Variants in ST8SIA5 observed in about 807,000 individuals in gnomAD.
ST8SIA5 encodes the protein alpha-2,8-sialyltransferase 8E.
ST8SIA5 carries 24 observed loss-of-function variants against 40.2 expected under a neutral mutation model. That is an observed-to-expected ratio of 0.60 (90% CI 0.43 to 0.84). The LOEUF (loss-of-function observed/expected upper bound fraction) is 0.84. Ranked by LOEUF, ST8SIA5 falls within the 40% of genes least tolerant of loss-of-function variation. The pLI is 0.00. For missense variants in ST8SIA5, 465 were observed against 498.5 expected (o/e 0.93, Z 0.64); for synonymous variants, 198 against 201.8 (o/e 0.98, Z 0.16).
rs1245360085 is a variant in ST8SIA5 at position 46,671,843 on chromosome 18, C to G, written c.*8199G>C. The G allele has an allele frequency of 6.6e-6, 1 of 152,302 alleles. No individual in the cohort carries two copies. The highest frequency in any genetic ancestry group is 2.4e-5 in the African/African-American group (1 of 41,444). 9.4% of individuals were successfully genotyped at this position (152,302 alleles called of 1,614,324 possible). ...CTGAGGGAAGGAAGGGTCCACCAAC[C>G]CCCAACCAGGAAAAAGAACAGGGCA... On this transcript the variant is annotated 3_prime_UTR_variant, in exon 7 of 7. Transcript: ENST00000315087.
chr18:46,681,371 A>T (rs934206528), intron 6 of ST8SIA5, among the ~76,000 whole-genome samples: 1 of 152,040 alleles, frequency 6.6e-6, no homozygotes, highest in African/African-American at 2.4e-5. Flanking sequence ...TGGGCATCTG[A>T]TCCAATTCAA....
At chr18:46,743,265 C>T (rs999519045) in intron 1 of ST8SIA5, among the ~76,000 whole-genome samples, 4 of 152,052 alleles carry the variant, frequency 2.6e-5, no homozygotes, top group South Asian at 2.1e-4. Context: ...CAAACTTCTC[C>T]GAGCTAAAGG....
In ST8SIA5 at chr18:46,756,872, G is replaced by A; in HGVS notation, c.-364C>T. 4.1e-6 allele frequency: 1 copy of A among 243,656 alleles called. No homozygotes were observed. Among genetic ancestry groups the A allele is most frequent in the East Asian group, 1.3e-4 (1 of 7,922 alleles). 15.1% of individuals were successfully genotyped at this position (243,656 alleles called of 1,614,324 possible). A position where few individuals can be genotyped will look rare whatever the true frequency, so the allele number is the denominator to read the frequency against. The stretch of plus-strand genomic sequence containing the variant: ...GGCGGCCCCTCCCGCCGAGGTGGCG[G>A]CCAATGGGGAGCAAGACCCGGGCTC... On this transcript the variant is annotated 5_prime_UTR_variant, in exon 1 of 7. Transcript: ENST00000315087.
intron 1 of ST8SIA5, among the ~76,000 whole-genome samples, chr18:46,726,394 T>C (rs775004098): frequency 7.9e-5 from 12 of 151,990 alleles, no homozygotes; most frequent in Non-Finnish European, 1.0e-4. Context: ...CTAACACACA[T>C]AGAAATATTA....
chr18:46,744,661 C>T (rs1022180079), intron 1 of ST8SIA5, among the ~76,000 whole-genome samples: 5 of 152,176 alleles, frequency 3.3e-5, no homozygotes, highest in African/African-American at 1.2e-4. Flanking sequence ...ATCAACAAGA[C>T]AGAAGTTTAA....
chr18:46,687,925 T>G (rs1364960819), intron 4 of ST8SIA5, among the ~76,000 whole-genome samples: 5 of 152,222 alleles, frequency 3.3e-5, no homozygotes, highest in African/African-American at 1.2e-4. Flanking sequence ...CCACCACACC[T>G]GGGTAATTGC....
intron 1 of ST8SIA5, among the ~76,000 whole-genome samples, chr18:46,747,541 G>A (rs1394358972): frequency 6.6e-6 from 1 of 152,202 alleles, no homozygotes; most frequent in African/African-American, 2.4e-5. Flanking sequence ...ACACCAGTTA[G>A]AACGGTGATC....
At chr18:46,710,370 T>TCTTC (rs2144509607) in intron 1 of ST8SIA5, among the ~76,000 whole-genome samples, 1 of 37,326 alleles carries the variant, frequency 2.7e-5, no homozygotes, top group Non-Finnish European at 6.4e-5. Flanking sequence ...TTCTTTTCTT[T>TCTTC]CTTTCTTTCT....
At chr18:46,690,982 C>T (rs2039499547) in intron 3 of ST8SIA5, among the ~76,000 whole-genome samples, 1 of 152,208 alleles carries the variant, frequency 6.6e-6, no homozygotes. Flanking sequence ...TGACCTGGTC[C>T]AGGCTGAGTG....
chr18:46,711,842 C>T (rs1175498774), intron 1 of ST8SIA5, among the ~76,000 whole-genome samples: 1 of 152,226 alleles, frequency 6.6e-6, no homozygotes, highest in Admixed American at 6.5e-5. Context: ...CAGCCTTGAA[C>T]TTCACCTGCC....
At chr18:46,698,331 A>C (rs1229116806) in intron 2 of ST8SIA5, among the ~76,000 whole-genome samples, 2 of 151,890 alleles carry the variant, frequency 1.3e-5, no homozygotes, top group Non-Finnish European at 2.9e-5. Context: ...CCAACAACCC[A>C]ACACACCAAC....
At chr18:46,755,086 G>A (rs1052430091) in intron 1 of ST8SIA5, among the ~76,000 whole-genome samples, 1 of 152,210 alleles carries the variant, frequency 6.6e-6, no homozygotes. Context: ...GGGAAGGTCC[G>A]GAGCAGCAAC....
chr18:46,756,535 G>T lies in ST8SIA5; in HGVS notation c.-27C>A, dbSNP rs760224217. ...CTGGCTACCGGGCGCCGCGGGCGCG[G>T]GGTACGGGGCGGCCAGGCAATGACT... On this transcript the variant is annotated 5_prime_UTR_variant, in exon 1 of 7. Transcript: ENST00000315087. 4 of 1,610,514 alleles carry T rather than the reference G, an allele frequency of 2.5e-6. No homozygotes were observed. The African/African-American group carries it at 4.0e-5, about 16-fold the overall frequency.
intron 1 of ST8SIA5, among the ~76,000 whole-genome samples, chr18:46,727,765 G>A (rs1027932474): frequency 6.6e-6 from 1 of 152,070 alleles, no homozygotes; most frequent in African/African-American, 2.4e-5. Flanking sequence ...CGGCGTCAGG[G>A]CCCATGTTTC....
At position 46,688,771 on chromosome 18, in the gene ST8SIA5, G is replaced by C; in HGVS notation, c.456+4C>G. ...ACCCAGACCGCCCCCGCCCAAAGCA[G>C]CACCTTGGGAAACATGCGGAAGATC... On this transcript the variant is annotated splice_donor_region_variant and intron_variant, in intron 4 of 6. Coordinates refer to ENST00000315087, the MANE Select transcript of ST8SIA5 (RefSeq NM_013305.6). The C allele has an allele frequency of 1.9e-6, 3 of 1,610,628 alleles. No individual in the cohort carries two copies. The highest frequency in any genetic ancestry group is 2.5e-6 in the Non-Finnish European group (3 of 1,178,304).
chr18:46,744,890 T>C (rs1346212315), intron 1 of ST8SIA5, among the ~76,000 whole-genome samples: 2 of 152,110 alleles, frequency 1.3e-5, no homozygotes, highest in Admixed American at 6.5e-5. Context: ...GCAATCAAAT[T>C]AGAACTCAGG....
At position 46,699,780 on chromosome 18, in the gene ST8SIA5, G is replaced by C. The variant is rs534834593; in HGVS notation, c.224+4792C>G. 3.3e-5 allele frequency among the ~76,000 whole-genome samples: 5 copies of C among 152,272 alleles called. No individual in the cohort carries two copies. The East Asian group carries it at 9.6e-4, about 29-fold the overall frequency. On this transcript the variant is annotated intron_variant, in intron 2 of 6. Transcript: ENST00000315087. Reference sequence around the variant, plus strand: ...ACACATGAGTACTGAGCTGGCATAGGGCCAGACTCAGAGATGCCGAAGCCT... The same window carrying C: ...ACACATGAGTACTGAGCTGGCATAGCGCCAGACTCAGAGATGCCGAAGCCT...
intron 1 of ST8SIA5, among the ~76,000 whole-genome samples, chr18:46,724,987 GAGAGGAAGGAAGGAAGGAAGGA>G (rs900453411): frequency 7.4e-6 from 1 of 135,220 alleles, no homozygotes; most frequent in Admixed American, 7.8e-5. Flanking sequence ...AAGAAAGAGA[GAGAGGAAGGAAGGAAGGAAGGA>G]AGGAAGGAAG....
At chr18:46,699,517 A>G (rs1190390462) in intron 2 of ST8SIA5, among the ~76,000 whole-genome samples, 1 of 151,928 alleles carries the variant, frequency 6.6e-6, no homozygotes, top group Non-Finnish European at 1.5e-5. Flanking sequence ...GTAGCTGGGA[A>G]TACAGGCGCC....
Sources: allele counts gnomAD v4.1 joint callset (sites outside exome capture counted in the v4.1 genomes callset), GRCh38; gene constraint gnomAD v4.1.1; transcripts MANE v1.5; gene names NCBI Gene and HGNC (gene_info 2026-07-23, HGNC 2026-07-21).